CFAP54: variants seen among roughly 807,000 people sequenced by gnomAD.
CFAP54 encodes the protein cilia and flagella associated protein 54, also known as cilia- and flagella-associated protein 54.
In CFAP54, 290 loss-of-function variants were observed where a neutral mutation model predicts 370.4. The observed-to-expected ratio is 0.78, with a 90% CI of 0.71 to 0.86. CFAP54 has a LOEUF of 0.86. Ranked by LOEUF, CFAP54 falls within the 40% of genes least tolerant of loss-of-function variation. The pLI is 0.00. For missense variants in CFAP54, 3,399 were observed against 3,528.7 expected, an observed-to-expected ratio of 0.96 and a Z score of 0.93; for synonymous variants, 1,206 against 1,236.5, an observed-to-expected ratio of 0.98 and a Z score of 0.52.
At chr12:96,496,463 G>T (rs565160743) in intron 1 of CFAP54, among the ~76,000 whole-genome samples, 1 of 152,214 alleles carries the variant, frequency 6.6e-6, no homozygotes, top group Non-Finnish European at 1.5e-5. Context: ...TTCTCATGAG[G>T]ACTCCTCTCC....
In CFAP54 at chr12:96,832,416, G is replaced by T. The variant is rs12582314; in HGVS notation, c.9171+3328G>T. Among the ~76,000 whole-genome samples, 1,435 of 151,958 alleles carry T rather than the reference G, an allele frequency of 9.4e-3. 54 individuals are homozygous for T. The East Asian group carries it at 0.099, about 11-fold the overall frequency. ...GAGTCTTGTTAGTTGTGTGAACTTG[G>T]GCAAGTTATTTAACTTCTCTAAGCC... is the stretch of plus-strand genomic sequence containing the variant. On this transcript the variant is annotated intron_variant, in intron 66 of 67. Coordinates refer to ENST00000524981, the MANE Select transcript of CFAP54 (RefSeq NM_001306084.2).
At chr12:96,664,951 G>C (rs2371221) in intron 39 of CFAP54, among the ~76,000 whole-genome samples, 134,222 of 151,542 alleles carry the variant, frequency 0.89, 59,667 homozygotes, top group East Asian at 0.96. Context: ...ATAAGCGTTC[G>C]TTTTTCTCCA....
chr12:96,557,931 A>G (rs536595160), intron 17 of CFAP54, among the ~76,000 whole-genome samples: 16 of 152,298 alleles, frequency 1.1e-4, no homozygotes, highest in African/African-American at 3.8e-4. Context: ...ACATAGACAT[A>G]TGTCCTTTGA....
intron 55 of CFAP54, among the ~76,000 whole-genome samples, chr12:96,752,215 A>G (rs1958194817): frequency 1.3e-5 from 2 of 152,154 alleles, no homozygotes; most frequent in African/African-American, 4.8e-5. Context: ...TTAAAAAAAT[A>G]TATCCTTTGT....
chr12:96,544,459 T>C (rs1955616139), intron 14 of CFAP54, among the ~76,000 whole-genome samples: 1 of 147,356 alleles, frequency 6.8e-6, no homozygotes, highest in African/African-American at 2.5e-5. Context: ...TCTACTTTCC[T>C]CCTTTCTCCT....
chr12:96,664,741 A>C (rs1231888960), intron 39 of CFAP54, among the ~76,000 whole-genome samples: 27 of 19,860 alleles, frequency 1.4e-3, no homozygotes, highest in South Asian at 4.4e-3. Flanking sequence ...ATATATATCT[A>C]TATATATATA....
Position 96,673,419 on chromosome 12 carries a change from A to T in CFAP54, c.5564-6181A>T, listed in dbSNP as rs79456056. 4.7e-3 allele frequency among the ~76,000 whole-genome samples: 709 copies of T among 152,302 alleles called. 4 individuals carry two copies. The highest frequency in any genetic ancestry group is 0.016 in the African/African-American group (673 of 41,574). On this transcript the variant is annotated intron_variant, in intron 39 of 67. Coordinates refer to ENST00000524981, the MANE Select transcript of CFAP54 (RefSeq NM_001306084.2). ...CACTGAAGACAGACACTTTATTCTG[A>T]CTTACTGTGATAGTGTGGTAATTTT...
intron 64 of CFAP54, among the ~76,000 whole-genome samples, 177 bp downstream of exon 64, chr12:96,812,019 C>T (rs987734118): frequency 3.9e-5 from 6 of 152,170 alleles, no homozygotes; most frequent in Non-Finnish European, 7.3e-5. Context: ...AACTCTGAAT[C>T]CTGCCTGCTT....
chr12:96,692,231 C>A (rs1957396544), intron 44 of CFAP54, among the ~76,000 whole-genome samples: 1 of 152,118 alleles, frequency 6.6e-6, no homozygotes, highest in Non-Finnish European at 1.5e-5. Context: ...TAACACTTGG[C>A]AGACTTGGTG....
intron 40 of CFAP54, among the ~76,000 whole-genome samples, chr12:96,681,871 T>A (rs1957277766): frequency 6.6e-6 from 1 of 152,120 alleles, no homozygotes; most frequent in South Asian, 2.1e-4. Flanking sequence ...AGTGCTGGGA[T>A]TATAGGTGTG....
intron 50 of CFAP54, among the ~76,000 whole-genome samples, chr12:96,729,567 C>T (rs945231961): frequency 6.6e-6 from 1 of 152,146 alleles, no homozygotes; most frequent in South Asian, 2.1e-4. Flanking sequence ...TGGGAGTGAC[C>T]CGATTTTCCA....
At chr12:96,646,552 C>T (rs1399247389) in intron 33 of CFAP54, 5 of 152,174 alleles carry the variant, frequency 3.3e-5, no homozygotes, top group Admixed American at 2.6e-4. Context: ...GGCGATTCCT[C>T]AGGGATCTAG....
intron 50 of CFAP54, among the ~76,000 whole-genome samples, chr12:96,723,957 C>A (rs1234558415): frequency 1.3e-5 from 2 of 151,254 alleles, no homozygotes; most frequent in Non-Finnish European, 2.9e-5. Flanking sequence ...CAATAGTTTA[C>A]TGAGAATGAT....
At chr12:96,831,241 A>G (rs1245458806) in intron 66 of CFAP54, among the ~76,000 whole-genome samples, 1 of 152,182 alleles carries the variant, frequency 6.6e-6, no homozygotes, top group Non-Finnish European at 1.5e-5. Flanking sequence ...ACTCTCCTAG[A>G]GCTACTATTT....
intron 31 of CFAP54, 123 bp from the exon 32 acceptor site, chr12:96,630,428 T>G (rs1030333669): frequency 4.7e-6 from 3 of 638,172 alleles, no homozygotes; most frequent in African/African-American, 1.9e-5. Flanking sequence ...TGATAGTAAT[T>G]TTAATTGAGG....
intron 43 of CFAP54, 27 bp downstream of exon 43, chr12:96,689,009 C>G: frequency 1.4e-6 from 2 of 1,391,782 alleles, no homozygotes; most frequent in Non-Finnish European, 1.9e-6. Context: ...GTATGTTTTT[C>G]CATTGTAGCA....
intron 62 of CFAP54, among the ~76,000 whole-genome samples, chr12:96,789,324 G>A (rs1416450558): frequency 6.6e-6 from 1 of 152,180 alleles, no homozygotes; most frequent in Non-Finnish European, 1.5e-5. Flanking sequence ...GGCCAGGAAG[G>A]TAATGTTAAT....
intron 19 of CFAP54, among the ~76,000 whole-genome samples, chr12:96,565,972 G>T (rs1190029600): frequency 6.6e-6 from 1 of 152,116 alleles, no homozygotes; most frequent in South Asian, 2.1e-4. Flanking sequence ...GTTAGTTCTC[G>T]CAAGATCTGA....
chr12:96,793,044 T>A (rs1286884962), intron 63 of CFAP54, among the ~76,000 whole-genome samples: 7 of 152,114 alleles, frequency 4.6e-5, no homozygotes, highest in Admixed American at 1.3e-4. Flanking sequence ...TATTCTTTTT[T>A]AAATTTTATT....
Sources: allele counts gnomAD v4.1 joint callset (sites outside exome capture counted in the v4.1 genomes callset), GRCh38; gene constraint gnomAD v4.1.1; transcripts MANE v1.5; gene names NCBI Gene and HGNC (gene_info 2026-07-23, HGNC 2026-07-21).